SPEG: variants seen among roughly 807,000 people sequenced by gnomAD.
The protein encoded by SPEG is striated muscle preferentially expressed protein kinase.
SPEG carries 114 observed loss-of-function variants against 300.4 expected under a neutral mutation model. That is an observed-to-expected ratio of 0.38 (90% CI 0.33 to 0.44). The LOEUF is 0.44. SPEG is among the 20% of genes least tolerant of loss of function. The pLI, the probability that SPEG is intolerant of heterozygous loss-of-function variation, is 1.00. For missense variants in SPEG, 4,201 were observed against 4,586.2 expected, an observed-to-expected ratio of 0.92 and a Z score of 2.43; for synonymous variants, 1,964 against 2,018.9, an observed-to-expected ratio of 0.97 and a Z score of 0.73.
In SPEG at chr2:219,445,853, C is replaced by T. The variant is rs1244126045; in HGVS notation, c.815+692C>T. On this transcript the variant is annotated intron_variant, in intron 3 of 40. Transcript: ENST00000312358. The surrounding 1 kb of genome is among the most constrained non-coding windows in gnomAD (Gnocchi z 6.1). Reference sequence around the variant, plus strand: ...GCAATGATTTCTCTCATGGGAAACCCCTAAGTCCCTGAGGGTGGGATTCAA... The same window carrying T: ...GCAATGATTTCTCTCATGGGAAACCTCTAAGTCCCTGAGGGTGGGATTCAA... Among the ~76,000 whole-genome samples the T allele has an allele frequency of 2.0e-5, 3 of 151,952 alleles. No individual in the cohort carries two copies. The highest frequency in any genetic ancestry group is 4.4e-5 in the Non-Finnish European group (3 of 67,994).
At position 219,443,002 on chromosome 2, in the gene SPEG, G is replaced by T. The variant is rs1484969614; in HGVS notation, c.389-1651G>T. 1 of 911,640 alleles carries T rather than the reference G, an allele frequency of 1.1e-6. No homozygotes were observed. 56.5% of individuals were successfully genotyped at this position (911,640 alleles called of 1,614,324 possible). A position where few individuals can be genotyped will look rare whatever the true frequency, so the allele number is the denominator to read the frequency against. ...CACCTCCCCTCTCACACACACACTG[G>T]CCAGGGAATGAGTTTCTGCTTGATG... On this transcript the variant is annotated intron_variant, in intron 1 of 40. Coordinates refer to ENST00000312358, the MANE Select transcript of SPEG (RefSeq NM_005876.5). The surrounding 1 kb of genome is among the most constrained non-coding windows in gnomAD (Gnocchi z 4.6).
chr2:219,458,474 C>T lies in SPEG; in HGVS notation c.2441-3408C>T, dbSNP rs897105549. On this transcript the variant is annotated intron_variant, in intron 6 of 40. Coordinates refer to ENST00000312358, the MANE Select transcript of SPEG (RefSeq NM_005876.5). The surrounding 1 kb of genome is among the most constrained non-coding windows in gnomAD (Gnocchi z 4.2). ...TGGCCCCAGCCCCGACCTACTGAAT[C>T]GGAAATTCCGTGGGTGGGGCCCAGC... is the stretch of plus-strand genomic sequence containing the variant. Among the ~76,000 whole-genome samples, 2 of 152,048 alleles carry T rather than the reference C, an allele frequency of 1.3e-5. No individual in the cohort carries two copies. Among genetic ancestry groups the T allele is most frequent in the East Asian group, 1.9e-4 (1 of 5,172 alleles).
chr2:219,460,443 C>T lies in SPEG; in HGVS notation c.2441-1439C>T, dbSNP rs375747511. The stretch of plus-strand genomic sequence containing the variant: ...TCCCACGGGCACCTTCTTTGGTGGA[C>T]GTGTCAGAACAAATGGGTCAGGGCA... On this transcript the variant is annotated intron_variant, in intron 6 of 40. Coordinates refer to ENST00000312358, the MANE Select transcript of SPEG (RefSeq NM_005876.5). 1.9e-5 allele frequency: 19 copies of T among 985,432 alleles called. No homozygotes were observed. In the East Asian group the frequency reaches 6.8e-4, roughly 35 times the overall value. The allele number at this position is 985,432 out of a possible 1,614,324, so 61.0% of individuals were successfully genotyped here. A position where few individuals can be genotyped will look rare whatever the true frequency, so the allele number is the denominator to read the frequency against.
At chr2:219,476,197 TGA>T (rs2125509086) in intron 18 of SPEG, among the ~76,000 whole-genome samples, 1 of 151,454 alleles carries the variant, frequency 6.6e-6, no homozygotes, top group South Asian at 2.1e-4. Flanking sequence ...TGGGAGATAC[TGA>T]GAGTCCATTT....
Position 219,493,391 on chromosome 2 carries a change from A to G in SPEG, c.*605A>G. ...GAGAGCTGGAGGCCAGCAGTCACTC[A>G]CACTCGCTCTGTCCTCCTGTCCAGT... is the stretch of plus-strand genomic sequence containing the variant. On this transcript the variant is annotated 3_prime_UTR_variant, in exon 41 of 41. Coordinates refer to ENST00000312358, the MANE Select transcript of SPEG (RefSeq NM_005876.5). 2.8e-6 allele frequency: 1 copy of G among 362,580 alleles called. No homozygotes were observed. The highest frequency in any genetic ancestry group is 2.0e-5 in the South Asian group (1 of 48,832). 22.5% of individuals were successfully genotyped at this position (362,580 alleles called of 1,614,324 possible).
At chr2:219,462,159 C>A in intron 7 of SPEG, 102 bp downstream of exon 7, 1 of 1,203,078 alleles carries the variant, frequency 8.3e-7, no homozygotes, top group Non-Finnish European at 1.2e-6. Flanking sequence ...AGACCTGGAA[C>A]TTTGCTCCCA....
chr2:219,444,692 G>A lies in SPEG; in HGVS notation c.428G>A (p.Gly143Glu). ...GAGGATGACATCAGCGATGTGCAGGGAACCCAGCGCCTGGAGCTTCGGGAT... is the reference window on the plus strand; with the variant it reads ...GAGGATGACATCAGCGATGTGCAGGAAACCCAGCGCCTGGAGCTTCGGGAT... ...TAEDDISDVQ[G>E]TQRLELRDDG... The change falls in exon 2 of 41, where the codon GGA becomes GAA. Residue 143 changes from glycine (G) to glutamate (E), a missense_variant. By Grantham distance (98) the Gly-to-Glu change is moderately conservative. This residue lies in a region of SPEG where 1,258 missense variants were observed against 1,293.9 expected (regional missense o/e 0.97). Coordinates refer to ENST00000312358, the MANE Select transcript of SPEG (RefSeq NM_005876.5). This position sits in a 1 kb window ranked among gnomAD's most constrained non-coding sequence, Gnocchi z 7.8. 1.2e-6 allele frequency: 2 copies of A among 1,614,068 alleles called. No homozygotes were observed. Among genetic ancestry groups the A allele is most frequent in the Non-Finnish European group, 1.7e-6 (2 of 1,179,958 alleles).
chr2:219,488,397 CTG>C, intron 32 of SPEG, 87 bp downstream of exon 32: 1 of 1,501,084 alleles, frequency 6.7e-7, no homozygotes, highest in Admixed American at 1.9e-5. Flanking sequence ...GGAGTGGGGA[CTG>C]AGCACGGTTA....
intron 1 of SPEG, chr2:219,441,545 T>C (rs1173260482): frequency 4.2e-6 from 2 of 470,668 alleles, no homozygotes; most frequent in Non-Finnish European, 8.8e-6. Context: ...GTTTGTGGAA[T>C]GAGCAAGTCG....
At chr2:219,468,796 T>C (rs1320124011) in intron 11 of SPEG, 60 bp downstream of exon 11, 1 of 1,608,590 alleles carries the variant, frequency 6.2e-7, no homozygotes, top group East Asian at 2.2e-5. Flanking sequence ...GGCGATGGGG[T>C]GCACCCAGAG....
In SPEG at chr2:219,477,388, A is replaced by G; in HGVS notation, c.4672A>G (p.Thr1558Ala). The G allele has an allele frequency of 6.2e-7, 1 of 1,609,310 alleles. No individual in the cohort carries two copies. Among genetic ancestry groups the G allele is most frequent in the Non-Finnish European group, 8.5e-7 (1 of 1,177,998 alleles). Residue 1558 changes from threonine to alanine, a missense_variant, in exon 20 of 41, where the codon ACC (threonine) becomes GCC (alanine). By Grantham distance (58) the Thr-to-Ala change is moderately conservative. Coordinates refer to ENST00000312358, the MANE Select transcript of SPEG (RefSeq NM_005876.5). The surrounding 1 kb of genome is among the most constrained non-coding windows in gnomAD (Gnocchi z 6.4). ...GAQDGGVYTC[T>A]AQNLAGEVSC... ...CCAGGATGGAGGCGTCTACACCTGC[A>G]CCGCCCAGAACCTGGCGGGTGAGGT...
chr2:219,478,624 T>C (rs145280071), intron 22 of SPEG, among the ~76,000 whole-genome samples: 174 of 152,290 alleles, frequency 1.1e-3, no homozygotes, highest in Non-Finnish European at 2.1e-3. Context: ...CACATTGAGG[T>C]AAGGATGCTG....
At chr2:219,472,767 C>T in intron 15 of SPEG, 123 bp from the exon 16 acceptor site, 9 of 774,408 alleles carry the variant, frequency 1.2e-5, no homozygotes, top group South Asian at 2.1e-5. Flanking sequence ...CAGGAAGCAA[C>T]AGCAGAGACT....
At chr2:219,472,077 C>G (rs1691926249) in intron 14 of SPEG, 90 bp downstream of exon 14, 1 of 1,557,806 alleles carries the variant, frequency 6.4e-7, no homozygotes, top group Non-Finnish European at 8.7e-7. Context: ...CCACCCAGCT[C>G]CCTTCCCCTC....
chr2:219,436,636 C>T (rs1346702794), intron 1 of SPEG, among the ~76,000 whole-genome samples: 1 of 152,178 alleles, frequency 6.6e-6, no homozygotes, highest in Non-Finnish European at 1.5e-5. Context: ...CCGGGCTGGC[C>T]TCCCTCCATC....
In SPEG at chr2:219,464,805, A is replaced by G; in HGVS notation, c.2881+197A>G. ...AGTGACCTGCCCAAAGCTGCACAGC[A>G]CATTGTTCCGTGCTCAGCTTACTAC... On this transcript the variant is annotated intron_variant, in intron 9 of 40. Coordinates refer to ENST00000312358, the MANE Select transcript of SPEG (RefSeq NM_005876.5). This position sits in a 1 kb window ranked among gnomAD's most constrained non-coding sequence, Gnocchi z 4.5. 1.7e-6 allele frequency: 1 copy of G among 588,476 alleles called. No individual in the cohort carries two copies. The highest frequency in any genetic ancestry group is 2.0e-5 in the South Asian group (1 of 49,188). 36.5% of individuals were successfully genotyped at this position (588,476 alleles called of 1,614,324 possible).
At chr2:219,469,635 G>T (rs1216688955) in intron 13 of SPEG, among the ~76,000 whole-genome samples, 1 of 152,148 alleles carries the variant, frequency 6.6e-6, no homozygotes, top group Non-Finnish European at 1.5e-5. Flanking sequence ...CTACTAACCC[G>T]CATCGGGCCC....
chr2:219,477,581 C>T lies in SPEG; in HGVS notation c.4730-108C>T, dbSNP rs1388947678. On this transcript the variant is annotated intron_variant, in intron 20 of 40. Transcript: ENST00000312358. This position sits in a 1 kb window ranked among gnomAD's most constrained non-coding sequence, Gnocchi z 6.4. ...CAGCCCAGCACCCCGCCTTGAGCCC[C>T]CAACATTCTTGCACCTCTTCTCTCT... The T allele has an allele frequency of 1.5e-6, 2 of 1,373,788 alleles. No individual in the cohort carries two copies. Among genetic ancestry groups the T allele is most frequent in the Admixed American group, 4.8e-5 (2 of 41,784 alleles). 85.1% of individuals were successfully genotyped at this position (1,373,788 alleles called of 1,614,324 possible).
In SPEG at chr2:219,480,539, C is replaced by A; in HGVS notation, c.5343-132C>A. ...TTCAGGGTCCTCCCTGAAGAAGCCACTCCTGTGCCCATTGTCCATGGCAGT... is the reference window on the plus strand; with the variant it reads ...TTCAGGGTCCTCCCTGAAGAAGCCAATCCTGTGCCCATTGTCCATGGCAGT... On this transcript the variant is annotated intron_variant, in intron 25 of 40. Transcript: ENST00000312358. The surrounding 1 kb of genome is among the most constrained non-coding windows in gnomAD (Gnocchi z 5.3). The A allele has an allele frequency of 1.1e-6, 1 of 919,746 alleles. No homozygotes were observed. Among genetic ancestry groups the A allele is most frequent in the Non-Finnish European group, 1.8e-6 (1 of 561,280 alleles). The allele number at this position is 919,746 out of a possible 1,614,324, so 57.0% of individuals were successfully genotyped here. A position where few individuals can be genotyped will look rare whatever the true frequency, so the allele number is the denominator to read the frequency against.
Sources: allele counts gnomAD v4.1 joint callset (sites outside exome capture counted in the v4.1 genomes callset), GRCh38; gene constraint gnomAD v4.1.1; regional missense constraint gnomAD v4.1.1; non-coding constraint Gnocchi (gnomAD v3.1); transcripts MANE v1.5; gene names NCBI Gene and HGNC (gene_info 2026-07-23, HGNC 2026-07-21).